C16orf95: variants seen among roughly 807,000 people sequenced by gnomAD.
C16orf95 encodes uncharacterized protein C16orf95.
A neutral mutation model predicts 32.1 loss-of-function variants in C16orf95; 41 were observed. The observed-to-expected ratio is 1.28, with a 90% CI of 1.00 to 1.66. The LOEUF (loss-of-function observed/expected upper bound fraction) is 1.66, where lower values mean the gene tolerates loss of function less well. Among genes scored for constraint, C16orf95 ranks in the 40% most tolerant of loss-of-function variants. The probability of loss-of-function intolerance (pLI) is 0.00; values close to 1 mark genes in which losing one functional copy is unlikely to be tolerated. For synonymous variants in C16orf95, 147 were observed against 128.9 expected (o/e 1.14, Z -0.95); for missense variants, 399 against 325.9 (o/e 1.22, Z -1.73).
At chr16:87,314,050 A>G (rs188907752) in intron 3 of C16orf95, among the ~76,000 whole-genome samples, 1 of 152,302 alleles carries the variant, frequency 6.6e-6, no homozygotes, top group Admixed American at 6.5e-5. Flanking sequence ...GATGTGAGGA[A>G]CTGGAACTTT....
At chr16:87,312,279 G>C (rs1214535300) in intron 3 of C16orf95, among the ~76,000 whole-genome samples, 1 of 152,124 alleles carries the variant, frequency 6.6e-6, no homozygotes, top group Non-Finnish European at 1.5e-5. Flanking sequence ...TATTAGACAC[G>C]GGAGGAAGGC....
At chr16:87,308,528 G>A (rs1213085017) in intron 5 of C16orf95, among the ~76,000 whole-genome samples, 2 of 151,494 alleles carry the variant, frequency 1.3e-5, no homozygotes, top group Non-Finnish European at 2.9e-5. Context: ...ATAAGCAGAT[G>A]TTACCATTCT....
At chr16:87,310,209 G>T in intron 5 of C16orf95, 88 bp downstream of exon 5, 2 of 1,316,530 alleles carry the variant, frequency 1.5e-6, no homozygotes, top group Non-Finnish European at 2.1e-6. Flanking sequence ...GTCTGGTGAT[G>T]AGAGGTCTGC....
intron 6 of C16orf95, among the ~76,000 whole-genome samples, chr16:87,304,620 G>A (rs891092): frequency 0.43 from 64,957 of 152,140 alleles, 14,958 homozygotes; most frequent in African/African-American, 0.57. Flanking sequence ...CCCCTTCCCA[G>A]TGCATGGCCT....
At chr16:87,307,959 A>C (rs1215686528) in intron 5 of C16orf95, among the ~76,000 whole-genome samples, 3 of 152,148 alleles carry the variant, frequency 2.0e-5, no homozygotes, top group Non-Finnish European at 4.4e-5. Flanking sequence ...TGCCCTTTAA[A>C]GATTTTTTAA....
At chr16:87,304,110 T>C (rs1227144289) in intron 6 of C16orf95, among the ~76,000 whole-genome samples, 1 of 152,154 alleles carries the variant, frequency 6.6e-6, no homozygotes, top group Non-Finnish European at 1.5e-5. Flanking sequence ...TGCACTCTCC[T>C]GGGCTCAAGC....
At chr16:87,306,484 T>C (rs190373660) in intron 5 of C16orf95, among the ~76,000 whole-genome samples, 2 of 152,228 alleles carry the variant, frequency 1.3e-5, no homozygotes, top group African/African-American at 4.8e-5. Context: ...ATGCTACTAA[T>C]ATAAAATATA....
intron 3 of C16orf95, among the ~76,000 whole-genome samples, chr16:87,313,630 G>A (rs575988674): frequency 4.6e-4 from 70 of 152,240 alleles, no homozygotes; most frequent in African/African-American, 1.5e-3. Flanking sequence ...AGCTACTTGG[G>A]GGGTGAGGGG....
intron 5 of C16orf95, chr16:87,306,159 A>G (rs1911020307): frequency 5.8e-6 from 2 of 347,738 alleles, no homozygotes; most frequent in Non-Finnish European, 1.0e-5. Context: ...CATATGGAAC[A>G]TGTGCAATGT....
chr16:87,315,204 G>C, intron 2 of C16orf95, 108 bp from the exon 3 acceptor site: 1 of 1,199,306 alleles, frequency 8.3e-7, no homozygotes, highest in Non-Finnish European at 1.1e-6. Context: ...GTGTCCGGGG[G>C]CAGGGTCCCC....
At position 87,305,686 on chromosome 16, in the gene C16orf95, C is replaced by G; in HGVS notation, c.701+33G>C. 1 of 1,466,752 alleles carries G rather than the reference C, an allele frequency of 6.8e-7. No homozygotes were observed. Among genetic ancestry groups the G allele is most frequent in the Non-Finnish European group, 9.0e-7 (1 of 1,113,388 alleles). 90.9% of individuals were successfully genotyped at this position (1,466,752 alleles called of 1,614,324 possible). The stretch of plus-strand genomic sequence containing the variant: ...TCAGGTGGACGTCACCATGCCAGGG[C>G]CACCCACTGTCCCCCATCCCCCACC... On this transcript the variant is annotated intron_variant, in intron 6 of 6. Coordinates refer to ENST00000567970, the MANE Select transcript of C16orf95 (RefSeq NM_001195124.3). The surrounding 1 kb of genome is among the most constrained non-coding windows in gnomAD (Gnocchi z 4.2).
At position 87,305,604 on chromosome 16, in the gene C16orf95, G is replaced by C; in HGVS notation, c.701+115C>G. The C allele has an allele frequency of 1.0e-6, 1 of 953,716 alleles. No homozygotes were observed. The highest frequency in any genetic ancestry group is 1.5e-6 in the Non-Finnish European group (1 of 671,394). 59.1% of individuals were successfully genotyped at this position (953,716 alleles called of 1,614,324 possible). A position where few individuals can be genotyped will look rare whatever the true frequency, so the allele number is the denominator to read the frequency against. On this transcript the variant is annotated intron_variant, in intron 6 of 6. Transcript: ENST00000567970. The surrounding 1 kb of genome is among the most constrained non-coding windows in gnomAD (Gnocchi z 4.2). ...TCACAGTGCCGGGCCTTGGACGCCT[G>C]TCAAGTTAAGCCCCACCCCCCACTC...
chr16:87,304,107 T>C (rs1027307461), intron 6 of C16orf95, among the ~76,000 whole-genome samples: 5 of 152,148 alleles, frequency 3.3e-5, no homozygotes, highest in Admixed American at 1.3e-4. Context: ...AACTGCACTC[T>C]CCTGGGCTCA....
rs1166211473 is a variant in C16orf95 at position 87,311,187 on chromosome 16, G to A, written c.440C>T (p.Pro147Leu). 5.9e-6 allele frequency: 9 copies of A among 1,535,166 alleles called. No homozygotes were observed. The highest frequency in any genetic ancestry group is 4.1e-5 in the African/African-American group (3 of 73,148). Residue 147 changes from proline to leucine, a missense_variant, in exon 4 of 7, where the codon CCC (proline) becomes CTC (leucine). Coordinates refer to ENST00000567970, the MANE Select transcript of C16orf95 (RefSeq NM_001195124.3). ...CCTCAGGACCTGGGGCACCCAGTAG[G>A]GCATCACTGCCTGGTCCCTAGGCAT... ...LPMPRDQAVM[P>L]YWVPQVLRSQ...
At chr16:87,308,048 A>T (rs1597343471) in intron 5 of C16orf95, among the ~76,000 whole-genome samples, 1 of 152,218 alleles carries the variant, frequency 6.6e-6, no homozygotes, top group Non-Finnish European at 1.5e-5. Context: ...ATAATTTCCC[A>T]TCAAAACTCT....
Position 87,303,024 on chromosome 16 carries a change from G to A in C16orf95, c.*33C>T. The A allele has an allele frequency of 2.6e-6, 4 of 1,534,900 alleles. No homozygotes were observed. Among genetic ancestry groups the A allele is most frequent in the Non-Finnish European group, 3.5e-6 (4 of 1,145,822 alleles). On this transcript the variant is annotated 3_prime_UTR_variant, in exon 7 of 7. Transcript: ENST00000567970. ...GATCTTGATCGTGACACATTTTTGT[G>A]GCTGTTCTTGACAGTAGCTGAAGAT...
At chr16:87,312,194 A>G (rs1911312104) in intron 3 of C16orf95, among the ~76,000 whole-genome samples, 1 of 152,216 alleles carries the variant, frequency 6.6e-6, no homozygotes, top group Admixed American at 6.5e-5. Flanking sequence ...AACGAGGCAC[A>G]TGGTTCGGGC....
At position 87,311,153 on chromosome 16, in the gene C16orf95, C is replaced by A; in HGVS notation, c.474G>T (p.Gln158His). ...YWVPQVLRSQ[Q>H]QIVRRQQSLK... ...GCAGTGTGCGCCTCCTCCTTACCTG[C>A]TGCTGAGACCTCAGGACCTGGGGCA... The change falls in exon 4 of 7, where the codon CAG (glutamine) becomes CAT (histidine). Residue 158 changes from glutamine (Q) to histidine (H), a missense_variant. Gln to His is a conservative substitution (Grantham distance 24). Transcript: ENST00000567970. The A allele has an allele frequency of 6.6e-7, 1 of 1,525,398 alleles. No individual in the cohort carries two copies. The highest frequency in any genetic ancestry group is 1.2e-5 in the South Asian group (1 of 83,326). The allele number at this position is 1,525,398 out of a possible 1,614,324, so 94.5% of individuals were successfully genotyped here. A position where few individuals can be genotyped will look rare whatever the true frequency, so the allele number is the denominator to read the frequency against.
chr16:87,304,239 G>C (rs751918173), intron 6 of C16orf95, among the ~76,000 whole-genome samples: 24 of 151,612 alleles, frequency 1.6e-4, no homozygotes, highest in Non-Finnish European at 3.2e-4. Flanking sequence ...TGAACTCCTG[G>C]GCTCAAGTGA....
Sources: gnomAD v4.1 joint callset for allele counts (sites outside exome capture counted in the v4.1 genomes callset) on GRCh38, gnomAD v4.1.1 for gene constraint, Gnocchi (gnomAD v3.1) non-coding constraint, MANE v1.5 for transcripts, NCBI Gene and HGNC (gene_info 2026-07-23, HGNC 2026-07-21) for gene names.